Variants in RTF1 observed in about 807,000 individuals in gnomAD.
RTF1 encodes the protein RNA polymerase-associated protein RTF1 homolog.
Under a neutral mutation model 95.7 loss-of-function variants are expected in RTF1, and 10 were observed. The ratio of observed to expected loss-of-function variants is 0.10; its 90% CI spans 0.06 to 0.18. The LOEUF is 0.18. Among genes scored for constraint, RTF1 ranks in the 10% least tolerant of loss-of-function variants. The probability of loss-of-function intolerance (pLI) is 1.00; values close to 1 mark genes in which losing one functional copy is unlikely to be tolerated. For synonymous variants in RTF1, 305 were observed against 311.8 expected, an observed-to-expected ratio of 0.98 and a Z score of 0.23; for missense variants, 458 against 875.6, an observed-to-expected ratio of 0.52 and a Z score of 6.02.
intron 16 of RTF1, among the ~76,000 whole-genome samples, chr15:41,479,540 A>T (rs2050959662): frequency 2.0e-5 from 3 of 152,206 alleles, no homozygotes; most frequent in African/African-American, 7.2e-5. Context: ...TGTAAAAGTG[A>T]AAGCTTGTTG....
At chr15:41,445,388 A>G (rs1370223625) in intron 2 of RTF1, among the ~76,000 whole-genome samples, 1 of 152,208 alleles carries the variant, frequency 6.6e-6, no homozygotes, top group African/African-American at 2.4e-5. Context: ...TATTTTCAAG[A>G]AATTCCGACA....
At chr15:41,454,154 T>TG (rs1173029016) in intron 3 of RTF1, among the ~76,000 whole-genome samples, 1 of 152,172 alleles carries the variant, frequency 6.6e-6, no homozygotes, top group East Asian at 1.9e-4. Context: ...TGGAGTGCAA[T>TG]GGCGCGTTCT....
intron 1 of RTF1, among the ~76,000 whole-genome samples, chr15:41,419,913 G>A (rs2050591820): frequency 6.6e-6 from 1 of 152,104 alleles, no homozygotes; most frequent in Non-Finnish European, 1.5e-5. Context: ...TCCGCCCACT[G>A]GGTTCAAGCG....
Position 41,451,591 on chromosome 15 carries a change from T to A in RTF1, c.310-1310T>A, listed in dbSNP as rs186049630. Among the ~76,000 whole-genome samples the A allele has an allele frequency of 1.2e-4, 19 of 152,336 alleles. No individual in the cohort carries two copies. In the East Asian group the frequency reaches 3.7e-3, roughly 29 times the overall value. On this transcript the variant is annotated intron_variant, in intron 2 of 17. Coordinates refer to ENST00000389629, the MANE Select transcript of RTF1 (RefSeq NM_015138.5). Reference sequence around the variant, plus strand: ...CATGTTATTGTGTAATATATGCCAATGTTTTAAAAAGTATATGCACATATA... The same window carrying A: ...CATGTTATTGTGTAATATATGCCAAAGTTTTAAAAAGTATATGCACATATA...
chr15:41,465,943 T>A (rs957065205), intron 5 of RTF1, among the ~76,000 whole-genome samples, 198 bp from the exon 6 acceptor site: 2 of 152,192 alleles, frequency 1.3e-5, no homozygotes, highest in Non-Finnish European at 2.9e-5. Flanking sequence ...GAACTTGGAA[T>A]AGGCATTTTA....
Position 41,480,584 on chromosome 15 carries a change from C to G in RTF1, c.2030C>G (p.Ser677Ter). 1 of 1,606,108 alleles carries G rather than the reference C, an allele frequency of 6.2e-7. No homozygotes were observed. Among genetic ancestry groups the G allele is most frequent in the Non-Finnish European group, 8.5e-7 (1 of 1,175,018 alleles). ...AACTTGCTCTTCTTTCCCACAGAGT[C>G]AAAGGCTTTAGCCATCACCTCCAAG... ...KIDLQVPSSE[S>*]KALAITSKAP... The change falls in exon 18 of 18, where the codon TCA becomes TGA. Residue 677 changes from serine (S) to a stop codon, truncating the protein, a stop_gained. Transcript: ENST00000389629. LOFTEE classifies it high-confidence loss of function.
At chr15:41,427,535 C>T (rs2050642026) in intron 1 of RTF1, among the ~76,000 whole-genome samples, 1 of 152,150 alleles carries the variant, frequency 6.6e-6, no homozygotes, top group African/African-American at 2.4e-5. Flanking sequence ...GCTACATAAG[C>T]TGGGTGTAGT....
chr15:41,428,445 T>C (rs1345366737), intron 1 of RTF1, among the ~76,000 whole-genome samples: 1 of 151,372 alleles, frequency 6.6e-6, no homozygotes, highest in Non-Finnish European at 1.5e-5. Flanking sequence ...TTTTTTTGTA[T>C]TTTTAGTAGA....
intron 3 of RTF1, among the ~76,000 whole-genome samples, chr15:41,454,172 C>G (rs1279963231): frequency 6.6e-6 from 1 of 152,118 alleles, no homozygotes; most frequent in East Asian, 1.9e-4. Context: ...TCTTGGCTCA[C>G]TGCAACCTCT....
At chr15:41,472,361 C>T (rs1036976091) in intron 8 of RTF1, among the ~76,000 whole-genome samples, 78 of 150,814 alleles carry the variant, frequency 5.2e-4, no homozygotes, top group African/African-American at 1.5e-3. Flanking sequence ...CACCCGCCAC[C>T]GTGCCTGGCT....
At chr15:41,445,213 G>GCT (rs1171878171) in intron 2 of RTF1, among the ~76,000 whole-genome samples, 1 of 152,160 alleles carries the variant, frequency 6.6e-6, no homozygotes, top group Non-Finnish European at 1.5e-5. Flanking sequence ...GGGATTACAG[G>GCT]CGTGAGCCAC....
intron 17 of RTF1, 28 bp downstream of exon 17, chr15:41,480,353 G>T (rs981079925): frequency 3.4e-6 from 5 of 1,458,828 alleles, no homozygotes; most frequent in South Asian, 1.1e-5. Flanking sequence ...GGGTGGTGAG[G>T]GCTGAGAACC....
chr15:41,462,425 C>T (rs574672308), intron 4 of RTF1, among the ~76,000 whole-genome samples: 5 of 152,230 alleles, frequency 3.3e-5, no homozygotes, highest in South Asian at 4.1e-4. Context: ...AAGTCAGACT[C>T]GCTGGAGGGG....
At chr15:41,477,437 C>T (rs1036090356) in intron 13 of RTF1, 21 bp from the exon 14 acceptor site, 29 of 1,613,968 alleles carry the variant, frequency 1.8e-5, no homozygotes, top group Non-Finnish European at 2.3e-5. Context: ...CAGCCACTGA[C>T]TCATCCCTCT....
intron 9 of RTF1, 60 bp downstream of exon 9, chr15:41,474,762 G>T (rs1486628315): frequency 2.7e-5 from 33 of 1,205,874 alleles, no homozygotes; most frequent in South Asian, 1.1e-4. Flanking sequence ...GGCTTTGGGG[G>T]CTGCTGTTCT....
Position 41,437,338 on chromosome 15 carries a change from A to G in RTF1, c.199-983A>G, listed in dbSNP as rs949056848. Among the ~76,000 whole-genome samples the G allele has an allele frequency of 1.0e-4, 15 of 150,614 alleles. No homozygotes were observed. The Admixed American group carries it at 1.0e-3, about 10-fold the overall frequency. On this transcript the variant is annotated intron_variant, in intron 1 of 17. Coordinates refer to ENST00000389629, the MANE Select transcript of RTF1 (RefSeq NM_015138.5). ...GTCAAACCCCCTCTCTACTAAAAAT[A>G]CAAAAAAAAAAAATTAGCCGGGCGT...
chr15:41,474,798 T>G, intron 9 of RTF1, 96 bp downstream of exon 9: 2 of 885,140 alleles, frequency 2.3e-6, no homozygotes, highest in Non-Finnish European at 3.8e-6. Context: ...CTTGTTACCA[T>G]GAACGCTATG....
At chr15:41,458,646 G>A (rs1456759483) in intron 4 of RTF1, among the ~76,000 whole-genome samples, 1 of 151,956 alleles carries the variant, frequency 6.6e-6, no homozygotes, top group African/African-American at 2.4e-5. Flanking sequence ...CTACTCAGGA[G>A]GCCGAGGCAG....
chr15:41,418,775 A>G (rs1213404996), intron 1 of RTF1, among the ~76,000 whole-genome samples: 1 of 147,058 alleles, frequency 6.8e-6, no homozygotes, highest in Non-Finnish European at 1.5e-5. Context: ...CAAGAGCGAA[A>G]CTCCATCACA....
Sources: gnomAD v4.1 joint callset for allele counts (sites outside exome capture counted in the v4.1 genomes callset) on GRCh38, gnomAD v4.1.1 for gene constraint, MANE v1.5 for transcripts, NCBI Gene and HGNC (gene_info 2026-07-23, HGNC 2026-07-21) for gene names.